GMDS: variants seen among roughly 807,000 people sequenced by gnomAD.
The protein encoded by GMDS is GDP-mannose 4,6-dehydratase.
A neutral mutation model predicts 49.9 loss-of-function variants in GMDS; 20 were observed. The observed-to-expected ratio is 0.40, with a 90% CI of 0.28 to 0.58. GMDS has a LOEUF of 0.58. Ranked by LOEUF, GMDS falls within the 20% of genes least tolerant of loss-of-function variation. The pLI is 0.42. For synonymous variants in GMDS, 177 were observed against 178.6 expected (o/e 0.99, Z 0.07); for missense variants, 362 against 481.4 (o/e 0.75, Z 2.32).
intron 7 of GMDS, among the ~76,000 whole-genome samples, chr6:1,876,089 A>T (rs1285079311): frequency 2.0e-5 from 3 of 151,622 alleles, no homozygotes; most frequent in African/African-American, 7.3e-5. Flanking sequence ...TCTTCATTTT[A>T]AAAAATTATG....
At position 2,245,545 on chromosome 6, in the gene GMDS, A is replaced by G; in HGVS notation, c.-123T>C. 2.1e-6 allele frequency: 1 copy of G among 482,894 alleles called. No individual in the cohort carries two copies. Among genetic ancestry groups the G allele is most frequent in the Admixed American group, 4.6e-5 (1 of 21,868 alleles). The allele number at this position is 482,894 out of a possible 1,614,324, so 29.9% of individuals were successfully genotyped here. On this transcript the variant is annotated 5_prime_UTR_variant, in exon 1 of 11. Coordinates refer to ENST00000380815, the MANE Select transcript of GMDS (RefSeq NM_001500.4). ...CTCCAGGCTGCGGGCAGGGAGGGAG[A>G]GCGCACCGCGCGACCGGCCGCCACA...
intron 8 of GMDS, 79 bp from the exon 9 acceptor site, chr6:1,726,591 C>T: frequency 1.0e-6 from 1 of 987,904 alleles, no homozygotes; most frequent in Non-Finnish European, 1.6e-6. Flanking sequence ...TGGGATGCCC[C>T]AGCCCTCTCC....
At chr6:1,705,682 G>C (rs191315896) in intron 9 of GMDS, among the ~76,000 whole-genome samples, 10 of 152,334 alleles carry the variant, frequency 6.6e-5, no homozygotes, top group African/African-American at 2.2e-4. Flanking sequence ...GTGTGGGGCT[G>C]TAAGTGTGGG....
chr6:1,757,855 T>C (rs1310223593), intron 7 of GMDS, among the ~76,000 whole-genome samples: 2 of 152,210 alleles, frequency 1.3e-5, no homozygotes, highest in Non-Finnish European at 2.9e-5. Flanking sequence ...ATTGAAAAAG[T>C]AAAAAGAAAA....
At chr6:1,741,034 T>C (rs1352659541) in intron 8 of GMDS, among the ~76,000 whole-genome samples, 4 of 152,174 alleles carry the variant, frequency 2.6e-5, no homozygotes, top group Non-Finnish European at 5.9e-5. Context: ...AGTGTTCTTA[T>C]TTTTGTTTTT....
At chr6:1,802,321 G>T (rs908995812) in intron 7 of GMDS, among the ~76,000 whole-genome samples, 1 of 152,082 alleles carries the variant, frequency 6.6e-6, no homozygotes, top group African/African-American at 2.4e-5. Context: ...TGAACTGAAG[G>T]ACAAGACAGC....
chr6:2,100,959 A>T (rs1773888510), intron 4 of GMDS, among the ~76,000 whole-genome samples: 1 of 152,066 alleles, frequency 6.6e-6, no homozygotes, highest in Admixed American at 6.5e-5. Context: ...GAGTAAGATT[A>T]GTCAAAACTC....
chr6:1,757,502 T>A (rs1458952812), intron 7 of GMDS, among the ~76,000 whole-genome samples: 2 of 152,196 alleles, frequency 1.3e-5, no homozygotes, highest in African/African-American at 2.4e-5. Context: ...ATCCTTCATC[T>A]CCATGCTCTT....
At chr6:1,652,327 G>A (rs1227241186) in intron 9 of GMDS, among the ~76,000 whole-genome samples, 41 of 116,760 alleles carry the variant, frequency 3.5e-4, no homozygotes, top group Non-Finnish European at 1.7e-4. Context: ...AGCTGAGATC[G>A]TGCCATTGCA....
At chr6:2,176,299 C>T (rs1778282536) in intron 1 of GMDS, among the ~76,000 whole-genome samples, 2 of 152,024 alleles carry the variant, frequency 1.3e-5, no homozygotes, top group South Asian at 4.2e-4. Context: ...TTTTATCTCA[C>T]TGTGGAAAGA....
At chr6:2,098,551 G>A (rs1773743266) in intron 4 of GMDS, among the ~76,000 whole-genome samples, 1 of 152,264 alleles carries the variant, frequency 6.6e-6, no homozygotes, top group South Asian at 2.1e-4. Context: ...GGTAGAAAAA[G>A]TCTAATTTTT....
In GMDS at chr6:1,820,433, A is replaced by G. The variant is rs188879450; in HGVS notation, c.772-77847T>C. Among the ~76,000 whole-genome samples, 6 of 152,322 alleles carry G rather than the reference A, an allele frequency of 3.9e-5. No individual in the cohort carries two copies. The East Asian group carries it at 9.6e-4, about 24-fold the overall frequency. On this transcript the variant is annotated intron_variant, in intron 7 of 10. Transcript: ENST00000380815. ...AGCTATTGGTTATTAACTTGCAAAT[A>G]TAAGAAATAACATTTCGGTCTGGGT...
chr6:1,910,328 G>A (rs887159402), intron 7 of GMDS, among the ~76,000 whole-genome samples: 2 of 148,442 alleles, frequency 1.3e-5, no homozygotes, highest in Admixed American at 6.7e-5. Context: ...AAAAAAAGAA[G>A]ATGATACTGG....
chr6:2,098,032 G>C (rs565312242), intron 4 of GMDS, among the ~76,000 whole-genome samples: 8 of 151,496 alleles, frequency 5.3e-5, no homozygotes, highest in African/African-American at 1.9e-4. Flanking sequence ...ACTAAACTGG[G>C]ACAATAAGAA....
At chr6:1,748,964 A>G (rs1229853341) in intron 7 of GMDS, among the ~76,000 whole-genome samples, 1 of 152,144 alleles carries the variant, frequency 6.6e-6, no homozygotes, top group East Asian at 1.9e-4. Context: ...ATTCTGGGGT[A>G]GTGCCTTTCT....
intron 9 of GMDS, among the ~76,000 whole-genome samples, chr6:1,715,094 A>C (rs6596844): frequency 0.025 from 3,742 of 152,334 alleles, 158 homozygotes; most frequent in African/African-American, 0.086. Context: ...ACATCAGCAG[A>C]AACATAAGGA....
At chr6:2,054,127 G>A (rs1396539179) in intron 4 of GMDS, among the ~76,000 whole-genome samples, 1 of 152,120 alleles carries the variant, frequency 6.6e-6, no homozygotes, top group Non-Finnish European at 1.5e-5. Flanking sequence ...ACTGCAGGGT[G>A]TTAGGAAGCA....
rs1002540650 is a variant in GMDS at position 1,640,516 on chromosome 6, G to A, written c.988-15976C>T. Among the ~76,000 whole-genome samples the A allele has an allele frequency of 2.6e-5, 4 of 152,172 alleles. No individual in the cohort carries two copies. The highest frequency in any genetic ancestry group is 3.9e-4 in the East Asian group (2 of 5,184). On this transcript the variant is annotated intron_variant, in intron 9 of 10. Transcript: ENST00000380815. The surrounding 1 kb of genome is among the most constrained non-coding windows in gnomAD (Gnocchi z 4.0). ...AACCTCCCTGACCTCTCTGCTGAGC[G>A]GCTCTCTGAGGCTATCCCATGCCCG...
At chr6:1,722,581 ACT>A (rs961771129) in intron 9 of GMDS, among the ~76,000 whole-genome samples, 2 of 152,122 alleles carry the variant, frequency 1.3e-5, no homozygotes, top group South Asian at 2.1e-4. Flanking sequence ...TGCATAACTG[ACT>A]CTGTTAATTC....
Sources: allele counts gnomAD v4.1 joint callset (sites outside exome capture counted in the v4.1 genomes callset), GRCh38; gene constraint gnomAD v4.1.1; non-coding constraint Gnocchi (gnomAD v3.1); transcripts MANE v1.5; gene names NCBI Gene and HGNC (gene_info 2026-07-23, HGNC 2026-07-21).